Variants in NBAS observed in about 807,000 individuals in gnomAD.
NBAS encodes NAG/BC035112 fusion.
A neutral mutation model predicts 302.5 loss-of-function variants in NBAS; 219 were observed. The observed-to-expected ratio is 0.72, with a 90% CI of 0.65 to 0.81. NBAS has a LOEUF of 0.81. Among genes scored for constraint, NBAS ranks in the 30% least tolerant of loss-of-function variants. The pLI is 0.00. For synonymous variants in NBAS, 1,118 were observed against 1,021.6 expected, an observed-to-expected ratio of 1.09 and a Z score of -1.80; for missense variants, 2,932 against 2,841.6, an observed-to-expected ratio of 1.03 and a Z score of -0.72.
chr2:14,923,058 A>G, the NBAS span, among the ~76,000 whole-genome samples: 3 of 152,350 alleles, frequency 2.0e-5, no homozygotes, highest in African/African-American at 7.2e-5. Context: ...AGGCTGAGGC[A>G]GGAGAATGGC....
chr2:15,520,212 A>G (rs929846644), intron 9 of NBAS, among the ~76,000 whole-genome samples: 9 of 152,112 alleles, frequency 5.9e-5, no homozygotes, highest in Admixed American at 3.3e-4. Context: ...GACCAGCTTG[A>G]GCAACATGGC....
At chr2:15,412,879 T>C (rs1319308776) in intron 25 of NBAS, among the ~76,000 whole-genome samples, 1 of 152,124 alleles carries the variant, frequency 6.6e-6, no homozygotes, top group Non-Finnish European at 1.5e-5. Context: ...GGACAGCTAA[T>C]TACTTCTACA....
rs1681115429 is a variant in NBAS at position 15,497,548 on chromosome 2, G to C, written c.954+6597C>G. Among the ~76,000 whole-genome samples the C allele has an allele frequency of 2.6e-5, 4 of 152,130 alleles. No homozygotes were observed. In the South Asian group the frequency reaches 8.3e-4, roughly 31 times the overall value. ...AGGCAATCAAGTCTAAGGTAGAAAG[G>C]GTTAGGGAAGAAAAATGAGAAGCTA... is the stretch of plus-strand genomic sequence containing the variant. On this transcript the variant is annotated intron_variant, in intron 11 of 51. Transcript: ENST00000281513.
At chr2:14,887,731 C>T in the NBAS span, among the ~76,000 whole-genome samples, 2 of 152,194 alleles carry the variant, frequency 1.3e-5, no homozygotes, top group African/African-American at 2.4e-5. Context: ...GCACAGCCCC[C>T]GGTTCCTCAT....
At chr2:14,967,376 C>T in the NBAS span, among the ~76,000 whole-genome samples, 1 of 152,206 alleles carries the variant, frequency 6.6e-6, no homozygotes, top group Admixed American at 6.5e-5. Flanking sequence ...ACTGATACTA[C>T]CCGATTTCAA....
At position 15,516,679 on chromosome 2, in the gene NBAS, C is replaced by T. The variant is rs949705404; in HGVS notation, c.747-5329G>A. Among the ~76,000 whole-genome samples, 34 of 150,972 alleles carry T rather than the reference C, an allele frequency of 2.3e-4. 1 individual carries two copies. ...CAGAGGTTGCAGTGAGCCGAGATCG[C>T]TCCACTGCACTCCAGCTTGGGCTAC... On this transcript the variant is annotated intron_variant, in intron 9 of 51. Transcript: ENST00000281513.
rs749206125 is a variant in NBAS at position 15,394,348 on chromosome 2, C to T, written c.3136G>A (p.Val1046Met). 136 of 1,612,342 alleles carry T rather than the reference C, an allele frequency of 8.4e-5. No individual in the cohort carries two copies. Among genetic ancestry groups the T allele is most frequent in the Non-Finnish European group, 1.1e-4 (127 of 1,179,040 alleles). ...CCATGTTTTTCCAAAAGCTCTGACA[C>T]ACTATAAGTGAAAAAAGAATTATTT... ...MVDQLEQILSVSELLEKHGLE... is the reference protein window; with the variant it reads ...MVDQLEQILSMSELLEKHGLE... The change falls in exon 28 of 52, where the codon GTG (valine) becomes ATG (methionine). Residue 1046 changes from valine to methionine, a missense_variant and splice_region_variant. Physicochemically the swap from Val to Met is conservative, Grantham distance 21. Coordinates refer to ENST00000281513, the MANE Select transcript of NBAS (RefSeq NM_015909.4).
chr2:15,163,236 T>A (rs1048937341), downstream of NBAS, among the ~76,000 whole-genome samples: 2 of 152,200 alleles, frequency 1.3e-5, no homozygotes, highest in African/African-American at 4.8e-5. Context: ...GAGAGATCCA[T>A]CACTTTCCAA....
intron 5 of NBAS, among the ~76,000 whole-genome samples, chr2:15,552,845 T>G (rs143915395): frequency 0.02 from 3,033 of 149,502 alleles, 67 homozygotes; most frequent in East Asian, 0.058. Context: ...CAGGCTGGAG[T>G]GCAGTGGCAC....
the NBAS span, among the ~76,000 whole-genome samples, chr2:15,080,643 G>C: frequency 2.0e-5 from 3 of 152,210 alleles, no homozygotes; most frequent in African/African-American, 4.8e-5. Flanking sequence ...ATCACTCAGG[G>C]AAATTCAGCT....
chr2:15,227,666 C>A (rs890667562), intron 47 of NBAS, among the ~76,000 whole-genome samples: 1 of 152,008 alleles, frequency 6.6e-6, no homozygotes, highest in East Asian at 1.9e-4. Context: ...TAATAGAGAA[C>A]CCCAAAATTA....
At chr2:15,466,030 A>AT (rs1679708463) in intron 19 of NBAS, among the ~76,000 whole-genome samples, 1 of 152,220 alleles carries the variant, frequency 6.6e-6, no homozygotes, top group African/African-American at 2.4e-5. Context: ...AACTAATTGT[A>AT]TCTATCAATA....
intron 22 of NBAS, among the ~76,000 whole-genome samples, chr2:15,425,192 G>A (rs1677409969): frequency 6.6e-6 from 1 of 151,958 alleles, no homozygotes; most frequent in South Asian, 2.1e-4. Context: ...ACAAGTATCA[G>A]ATGGGCATAT....
chr2:15,522,450 A>T (rs1428178681), intron 9 of NBAS, among the ~76,000 whole-genome samples: 1 of 152,222 alleles, frequency 6.6e-6, no homozygotes, highest in Non-Finnish European at 1.5e-5. Flanking sequence ...ACAGAATATA[A>T]TAAGTAGGAG....
At chr2:15,313,558 C>T (rs1671373566) in intron 38 of NBAS, among the ~76,000 whole-genome samples, 1 of 152,172 alleles carries the variant, frequency 6.6e-6, no homozygotes, top group African/African-American at 2.4e-5. Flanking sequence ...TTAATATATG[C>T]CATTTTAAGA....
chr2:14,894,861 A>G, the NBAS span, among the ~76,000 whole-genome samples: 1 of 152,146 alleles, frequency 6.6e-6, no homozygotes, highest in Non-Finnish European at 1.5e-5. Flanking sequence ...GATCGAGACC[A>G]TACTGGCTAA....
chr2:14,948,659 A>ACAATTTAGGTT, the NBAS span, among the ~76,000 whole-genome samples: 1 of 152,120 alleles, frequency 6.6e-6, no homozygotes, highest in Non-Finnish European at 1.5e-5. Flanking sequence ...TAGGATGACA[A>ACAATTTAGGTT]TACTACCTAA....
the NBAS span, among the ~76,000 whole-genome samples, chr2:14,907,169 G>C: frequency 1.3e-5 from 2 of 152,372 alleles, no homozygotes; most frequent in African/African-American, 4.8e-5. Context: ...CTGGCCTCTA[G>C]TGAGAGAGTG....
chr2:15,154,491 ATGT>A, the NBAS span, among the ~76,000 whole-genome samples: 1 of 152,172 alleles, frequency 6.6e-6, no homozygotes, highest in East Asian at 1.9e-4. Context: ...TGACTGAAAA[ATGT>A]TGTTTCTGAG....
Sources: allele counts gnomAD v4.1 joint callset (sites outside exome capture counted in the v4.1 genomes callset), GRCh38; gene constraint gnomAD v4.1.1; transcripts MANE v1.5; gene names NCBI Gene and HGNC (gene_info 2026-07-23, HGNC 2026-07-21).